PTPRT: variants seen among roughly 807,000 people sequenced by gnomAD.
The protein encoded by PTPRT is protein tyrosine phosphatase receptor type T.
Under a neutral mutation model 176.8 loss-of-function variants are expected in PTPRT, and 56 were observed. The ratio of observed to expected loss-of-function variants is 0.32; its 90% CI spans 0.26 to 0.40. PTPRT has a LOEUF of 0.40. Ranked by LOEUF, PTPRT falls within the 10% of genes least tolerant of loss-of-function variation. The probability of loss-of-function intolerance (pLI) is 1.00; values close to 1 mark genes in which losing one functional copy is unlikely to be tolerated. For missense variants in PTPRT, 1,540 were observed against 1,908.2 expected (o/e 0.81, Z 3.60); for synonymous variants, 783 against 739.0 (o/e 1.06, Z -0.96).
intron 1 of PTPRT, among the ~76,000 whole-genome samples, chr20:42,944,005 C>T (rs938356675): frequency 3.8e-4 from 57 of 151,980 alleles, no homozygotes; most frequent in African/African-American, 1.2e-3. Context: ...GGTGACAGAG[C>T]GAGACACTGT....
chr20:42,631,447 C>G (rs973262536), intron 7 of PTPRT, among the ~76,000 whole-genome samples: 4 of 152,114 alleles, frequency 2.6e-5, no homozygotes, highest in African/African-American at 9.7e-5. Flanking sequence ...CCCTGAGAAG[C>G]AGACTCTGAG....
chr20:42,182,426 A>C (rs6102711), intron 16 of PTPRT, among the ~76,000 whole-genome samples: 4,405 of 152,292 alleles, frequency 0.029, 209 homozygotes, highest in African/African-American at 0.099. Flanking sequence ...AGAGAGGGTG[A>C]CAGGGACCAG....
At chr20:42,119,169 A>C (rs906799256) in intron 20 of PTPRT, among the ~76,000 whole-genome samples, 2 of 152,068 alleles carry the variant, frequency 1.3e-5, no homozygotes, top group Admixed American at 6.5e-5. Context: ...TAAAAGTTTG[A>C]ATACCATTTT....
chr20:42,765,069 G>A (rs2076964370), intron 5 of PTPRT, among the ~76,000 whole-genome samples: 2 of 152,240 alleles, frequency 1.3e-5, no homozygotes, highest in Admixed American at 1.3e-4. Context: ...CTTTTCCTAT[G>A]AGATTCAGAT....
chr20:42,478,016 C>T (rs554779197), intron 7 of PTPRT, among the ~76,000 whole-genome samples: 1 of 151,844 alleles, frequency 6.6e-6, no homozygotes, highest in Non-Finnish European at 1.5e-5. Flanking sequence ...TTTATGACCC[C>T]CTAGAATTCC....
intron 1 of PTPRT, among the ~76,000 whole-genome samples, chr20:43,153,059 C>T (rs4812677): frequency 0.87 from 133,008 of 152,204 alleles, 58,703 homozygotes; most frequent in East Asian, 0.97. Flanking sequence ...AATCCAGATA[C>T]TTCCATTGTC....
At chr20:43,167,484 T>C (rs528429896) in intron 1 of PTPRT, among the ~76,000 whole-genome samples, 105 of 152,150 alleles carry the variant, frequency 6.9e-4, no homozygotes, top group African/African-American at 2.5e-3. Flanking sequence ...ACAGCTATAG[T>C]CTAAAATGGC....
intron 16 of PTPRT, among the ~76,000 whole-genome samples, chr20:42,165,594 A>G (rs1423641770): frequency 6.6e-6 from 1 of 152,254 alleles, no homozygotes; most frequent in East Asian, 1.9e-4. Flanking sequence ...CAACAATGGA[A>G]GTGTTCTACA....
intron 1 of PTPRT, among the ~76,000 whole-genome samples, chr20:43,023,191 C>T (rs1027825232): frequency 6.6e-6 from 1 of 152,186 alleles, no homozygotes; most frequent in Non-Finnish European, 1.5e-5. Context: ...CCAGCCATAA[C>T]AGAAAATGGC....
chr20:43,024,923 A>G (rs1254002815), intron 1 of PTPRT, among the ~76,000 whole-genome samples: 1 of 152,232 alleles, frequency 6.6e-6, no homozygotes, highest in Non-Finnish European at 1.5e-5. Context: ...CCCAAAATGT[A>G]CCATAGACTT....
At chr20:42,457,549 G>A (rs2070944980) in intron 8 of PTPRT, among the ~76,000 whole-genome samples, 1 of 152,108 alleles carries the variant, frequency 6.6e-6, no homozygotes, top group East Asian at 1.9e-4. Flanking sequence ...GTGTGTGATG[G>A]TCTGGTTTAA....
At chr20:42,297,985 CA>C (rs1194611204) in intron 12 of PTPRT, among the ~76,000 whole-genome samples, 1 of 151,910 alleles carries the variant, frequency 6.6e-6, no homozygotes, top group Non-Finnish European at 1.5e-5. Flanking sequence ...AACTGTGATT[CA>C]AAGTTTAAAT....
At chr20:42,612,143 G>A (rs903235613) in intron 7 of PTPRT, among the ~76,000 whole-genome samples, 5 of 152,190 alleles carry the variant, frequency 3.3e-5, no homozygotes, top group East Asian at 1.9e-4. Flanking sequence ...CTGATGCAGG[G>A]AGCATCAGTG....
At chr20:42,984,726 C>A (rs576291543) in intron 1 of PTPRT, among the ~76,000 whole-genome samples, 7 of 152,214 alleles carry the variant, frequency 4.6e-5, no homozygotes, top group Admixed American at 4.6e-4. Flanking sequence ...AGTTCTTTAA[C>A]TTAACCAAGT....
At chr20:42,402,512 A>G in intron 9 of PTPRT, among the ~76,000 whole-genome samples, 1 of 151,310 alleles carries the variant, frequency 6.6e-6, no homozygotes, top group Non-Finnish European at 1.5e-5. Context: ...AAAAAAAGGA[A>G]AAGTCAGCGA....
intron 8 of PTPRT, among the ~76,000 whole-genome samples, chr20:42,462,851 C>G (rs142611610): frequency 6.6e-6 from 1 of 152,286 alleles, no homozygotes; most frequent in South Asian, 2.1e-4. Flanking sequence ...TGTGCTACAG[C>G]CTCTGTAGCG....
chr20:42,073,283 G>C lies in PTPRT; in HGVS notation c.*7596C>G, dbSNP rs764430167. ...GTCTTTGATTGGCTAGTAGAATGTA[G>C]GGTGAAAAGTGCTTTTGAGTATGAT... On this transcript the variant is annotated 3_prime_UTR_variant, in exon 31 of 31. Coordinates refer to ENST00000373187, the MANE Select transcript of PTPRT (RefSeq NM_007050.6). 4.9e-4 allele frequency: 93 copies of C among 189,208 alleles called. No homozygotes were observed. Among genetic ancestry groups the C allele is most frequent in the Non-Finnish European group, 2.9e-4 (26 of 89,782 alleles). The allele number at this position is 189,208 out of a possible 1,614,324, so 11.7% of individuals were successfully genotyped here. A position where few individuals can be genotyped will look rare whatever the true frequency, so the allele number is the denominator to read the frequency against.
chr20:42,302,707 A>T (rs998666384), intron 12 of PTPRT, among the ~76,000 whole-genome samples: 1 of 152,204 alleles, frequency 6.6e-6, no homozygotes, highest in Non-Finnish European at 1.5e-5. Context: ...TGTATTCCCA[A>T]CTGACTCACA....
At chr20:42,680,071 G>T (rs1020349729) in intron 6 of PTPRT, among the ~76,000 whole-genome samples, 3 of 152,170 alleles carry the variant, frequency 2.0e-5, no homozygotes, top group Non-Finnish European at 4.4e-5. Context: ...GGGCCTCTGG[G>T]TTATTCACAT....
Sources: gnomAD v4.1 joint callset for allele counts (sites outside exome capture counted in the v4.1 genomes callset) on GRCh38, gnomAD v4.1.1 for gene constraint, MANE v1.5 for transcripts, NCBI Gene and HGNC (gene_info 2026-07-23, HGNC 2026-07-21) for gene names.